SLF1: variants seen among roughly 807,000 people sequenced by gnomAD.
SLF1 encodes SMC5-SMC6 complex localization factor protein 1.
SLF1 carries 105 observed loss-of-function variants against 123.0 expected under a neutral mutation model. That is an observed-to-expected ratio of 0.85 (90% CI 0.73 to 1.00). The LOEUF (loss-of-function observed/expected upper bound fraction) is 1.00, where lower values mean the gene tolerates loss of function less well. Ranked by LOEUF, SLF1 falls within the 50% of genes least tolerant of loss-of-function variation. SLF1 has a pLI of 0.00. For missense variants in SLF1, 1,239 were observed against 1,223.0 expected (o/e 1.01, Z -0.20); for synonymous variants, 434 against 406.6 (o/e 1.07, Z -0.81).
chr5:94,677,698 G>C (rs546315965), intron 14 of SLF1, among the ~76,000 whole-genome samples: 24 of 152,160 alleles, frequency 1.6e-4, no homozygotes, highest in African/African-American at 5.8e-4. Flanking sequence ...ATTTCAGCTG[G>C]TTTTAATGCT....
intron 4 of SLF1, among the ~76,000 whole-genome samples, chr5:94,632,314 A>G (rs1205597983): frequency 6.6e-6 from 1 of 152,140 alleles, no homozygotes; most frequent in Non-Finnish European, 1.5e-5. Context: ...TGAGTCTTGA[A>G]ATTAGGTACT....
At chr5:94,622,281 G>T (rs1383618833) in intron 1 of SLF1, among the ~76,000 whole-genome samples, 1 of 152,204 alleles carries the variant, frequency 6.6e-6, no homozygotes, top group Non-Finnish European at 1.5e-5. Flanking sequence ...ACTGCATTCA[G>T]TGCTTGGTAT....
chr5:94,629,770 A>G (rs1238805957), intron 3 of SLF1: 1 of 152,252 alleles, frequency 6.6e-6, no homozygotes, highest in Non-Finnish European at 1.5e-5. Context: ...CTTACAAGGA[A>G]AACACTTGCA....
intron 5 of SLF1, among the ~76,000 whole-genome samples, chr5:94,647,685 A>T (rs1747216884): frequency 6.6e-6 from 1 of 152,254 alleles, no homozygotes; most frequent in African/African-American, 2.4e-5. Context: ...ATAAGGAATA[A>T]AAATGACTAT....
chr5:94,683,009 A>G (rs1259890560), intron 15 of SLF1, among the ~76,000 whole-genome samples: 2 of 152,230 alleles, frequency 1.3e-5, no homozygotes, highest in Non-Finnish European at 2.9e-5. Flanking sequence ...AAAAACAGGC[A>G]GCACACCATA....
chr5:94,686,047 T>A lies in SLF1; in HGVS notation c.1976-526T>A, dbSNP rs1752392945. ...CTTGTGCGTTTCTTCTTGTTTCATGTTTTTCTTCTTTACCTTGTGCCTTTC... is the reference window on the plus strand; with the variant it reads ...CTTGTGCGTTTCTTCTTGTTTCATGATTTTCTTCTTTACCTTGTGCCTTTC... On this transcript the variant is annotated intron_variant, in intron 15 of 20. Coordinates refer to ENST00000265140, the MANE Select transcript of SLF1 (RefSeq NM_032290.4). 3.3e-5 allele frequency among the ~76,000 whole-genome samples: 5 copies of A among 152,302 alleles called. No homozygotes were observed. The South Asian group carries it at 1.0e-3, about 32-fold the overall frequency.
intron 20 of SLF1, among the ~76,000 whole-genome samples, chr5:94,693,626 C>T (rs1466949622): frequency 1.3e-5 from 2 of 151,880 alleles, no homozygotes; most frequent in African/African-American, 4.8e-5. Context: ...TGGTTTGACA[C>T]TTATATTGAA....
intron 3 of SLF1, among the ~76,000 whole-genome samples, chr5:94,629,400 T>A (rs1298536550): frequency 7.2e-6 from 1 of 139,738 alleles, no homozygotes; most frequent in Non-Finnish European, 1.6e-5. Context: ...GGATTTAGTG[T>A]GTTTTGTTTA....
At chr5:94,679,533 A>G (rs1290720656) in intron 15 of SLF1, among the ~76,000 whole-genome samples, 1 of 152,094 alleles carries the variant, frequency 6.6e-6, no homozygotes, top group African/African-American at 2.4e-5. Flanking sequence ...CCAGGGCTGC[A>G]GGGAGCCATG....
At chr5:94,674,088 ATCTG>A (rs1324918869) in intron 14 of SLF1, among the ~76,000 whole-genome samples, 3 of 152,146 alleles carry the variant, frequency 2.0e-5, no homozygotes, top group African/African-American at 7.2e-5. Flanking sequence ...ATAAATTACC[ATCTG>A]TCTTTTTATT....
intron 4 of SLF1, 120 bp downstream of exon 4, chr5:94,630,863 A>G (rs1054755735): frequency 5.6e-5 from 61 of 1,080,104 alleles, no homozygotes; most frequent in Middle Eastern, 6.1e-4. Flanking sequence ...ATTTACTCCA[A>G]TCTCCTAGGT....
At chr5:94,632,690 CTTGT>C (rs1745337842) in intron 4 of SLF1, among the ~76,000 whole-genome samples, 1 of 151,572 alleles carries the variant, frequency 6.6e-6, no homozygotes, top group Non-Finnish European at 1.5e-5. Flanking sequence ...TTGAATTATA[CTTGT>C]TTGTTTCTTT....
intron 14 of SLF1, 164 bp from the exon 15 acceptor site, chr5:94,678,644 G>A: frequency 1.8e-6 from 1 of 550,524 alleles, no homozygotes; most frequent in East Asian, 3.1e-5. Context: ...GAGATGGAGG[G>A]GAGAGAATTA....
intron 20 of SLF1, among the ~76,000 whole-genome samples, chr5:94,694,080 G>T (rs1207252190): frequency 6.6e-6 from 1 of 151,808 alleles, no homozygotes; most frequent in Non-Finnish European, 1.5e-5. Flanking sequence ...TTATGGCCAA[G>T]TGCATAAATA....
chr5:94,654,226 T>G (rs1429587331), intron 8 of SLF1, among the ~76,000 whole-genome samples: 1 of 151,990 alleles, frequency 6.6e-6, no homozygotes, highest in Non-Finnish European at 1.5e-5. Flanking sequence ...TATGCATATA[T>G]TCAGAAGAAT....
At chr5:94,656,027 A>C (rs570598532) in intron 9 of SLF1, among the ~76,000 whole-genome samples, 2 of 152,178 alleles carry the variant, frequency 1.3e-5, no homozygotes, top group South Asian at 4.1e-4. Flanking sequence ...TTCTAGTTTC[A>C]GTCCTTAGGG....
chr5:94,662,765 A>G (rs1585177404), intron 10 of SLF1, among the ~76,000 whole-genome samples: 1 of 152,254 alleles, frequency 6.6e-6, no homozygotes, highest in African/African-American at 2.4e-5. Flanking sequence ...CCTACAATAC[A>G]TATATCCAGT....
At chr5:94,648,420 A>C (rs559085447) in intron 5 of SLF1, among the ~76,000 whole-genome samples, 91 of 152,182 alleles carry the variant, frequency 6.0e-4, no homozygotes, top group African/African-American at 2.1e-3. Flanking sequence ...TTTTTTTTAT[A>C]ATTGTTCCCT....
intron 4 of SLF1, among the ~76,000 whole-genome samples, chr5:94,637,803 C>T (rs990129342): frequency 1.3e-5 from 2 of 152,054 alleles, no homozygotes; most frequent in African/African-American, 4.8e-5. Flanking sequence ...AACTAGCCCC[C>T]ACTCTGCCGA....
Sources: allele counts gnomAD v4.1 joint callset (sites outside exome capture counted in the v4.1 genomes callset), GRCh38; gene constraint gnomAD v4.1.1; transcripts MANE v1.5; gene names NCBI Gene and HGNC (gene_info 2026-07-23, HGNC 2026-07-21).